The following ZNF106 variants were observed in gnomAD, a reference collection of about 807,000 sequenced individuals.
The protein encoded by ZNF106 is zinc finger protein 106.
ZNF106 carries 67 observed loss-of-function variants against 195.1 expected under a neutral mutation model. That is an observed-to-expected ratio of 0.34 (90% CI 0.28 to 0.42). The LOEUF is 0.42. Among genes scored for constraint, ZNF106 ranks in the 10% least tolerant of loss-of-function variants. The pLI is 1.00. For missense variants in ZNF106, 2,118 were observed against 2,304.5 expected, an observed-to-expected ratio of 0.92 and a Z score of 1.66; for synonymous variants, 784 against 818.6, an observed-to-expected ratio of 0.96 and a Z score of 0.72.
intron 3 of ZNF106, among the ~76,000 whole-genome samples, chr15:42,460,564 T>G (rs188583123): frequency 1.8e-4 from 27 of 152,296 alleles, no homozygotes; most frequent in African/African-American, 4.8e-4. Flanking sequence ...ACGCAATAAG[T>G]GCAGTATAAA....
At chr15:42,445,376 ACT>A (rs1271172792) in intron 7 of ZNF106, among the ~76,000 whole-genome samples, 1 of 152,114 alleles carries the variant, frequency 6.6e-6, no homozygotes, top group Non-Finnish European at 1.5e-5. Flanking sequence ...GACTGCTTGC[ACT>A]CTCTTTCCAA....
At chr15:42,435,194 G>C (rs1211521999) in intron 14 of ZNF106, among the ~76,000 whole-genome samples, 190 bp downstream of exon 14, 1 of 152,206 alleles carries the variant, frequency 6.6e-6, no homozygotes, top group African/African-American at 2.4e-5. Context: ...CTGGTGGAGA[G>C]AGACAGAAAA....
intron 1 of ZNF106, among the ~76,000 whole-genome samples, chr15:42,475,185 G>T (rs535544677): frequency 6.6e-6 from 1 of 152,322 alleles, no homozygotes; most frequent in African/African-American, 2.4e-5. Flanking sequence ...AGGCATGGTG[G>T]CTCATGCCTA....
intron 1 of ZNF106, among the ~76,000 whole-genome samples, chr15:42,484,608 C>T (rs921217078): frequency 6.6e-6 from 1 of 152,104 alleles, no homozygotes; most frequent in Non-Finnish European, 1.5e-5. Context: ...CGTGGTGATG[C>T]GTGCCCGTAG....
intron 4 of ZNF106, among the ~76,000 whole-genome samples, chr15:42,454,455 G>C (rs1397262167): frequency 6.6e-6 from 1 of 151,852 alleles, no homozygotes; most frequent in Non-Finnish European, 1.5e-5. Context: ...AAATCACAAA[G>C]TAGAATTCCT....
chr15:42,459,795 C>G (rs953280957), intron 3 of ZNF106, among the ~76,000 whole-genome samples: 15 of 152,042 alleles, frequency 9.9e-5, no homozygotes, highest in Non-Finnish European at 1.6e-4. Context: ...AATCCCAGCA[C>G]TTTGGGAGGC....
chr15:42,426,901 C>T (rs2054880161), intron 15 of ZNF106, among the ~76,000 whole-genome samples: 1 of 152,164 alleles, frequency 6.6e-6, no homozygotes, highest in Non-Finnish European at 1.5e-5. Context: ...TCATATCGAA[C>T]AGACCAAATC....
At chr15:42,419,345 C>T (rs370567005) in intron 20 of ZNF106, among the ~76,000 whole-genome samples, 13 of 151,386 alleles carry the variant, frequency 8.6e-5, no homozygotes, top group African/African-American at 3.2e-4. Flanking sequence ...GGTGACAGAG[C>T]GAGACTCTGT....
intron 21 of ZNF106, among the ~76,000 whole-genome samples, 195 bp from the exon 22 acceptor site, chr15:42,417,555 TA>T (rs2054504727): frequency 6.6e-6 from 1 of 152,212 alleles, no homozygotes; most frequent in Admixed American, 6.5e-5. Context: ...AAGAGCACTG[TA>T]ATAAATCTCC....
At position 42,463,755 on chromosome 15, in the gene ZNF106, G is replaced by A. The variant is rs559973736; in HGVS notation, c.116+2298C>T. On this transcript the variant is annotated intron_variant, in intron 3 of 21. Coordinates refer to ENST00000564754, the MANE Select transcript of ZNF106 (RefSeq NM_001366845.3). ...TTCGAGGTTGCAGTCAGCTGTGATC[G>A]TGCCACGGCACCCCAGCCTGGTGAC... 2.9e-4 allele frequency among the ~76,000 whole-genome samples: 44 copies of A among 152,190 alleles called. No individual in the cohort carries two copies. In the South Asian group the frequency reaches 8.1e-3, roughly 28 times the overall value.
At chr15:42,419,063 C>CA (rs367772491) in intron 20 of ZNF106, among the ~76,000 whole-genome samples, 23,963 of 105,610 alleles carry the variant, frequency 0.23, 2,572 homozygotes, top group Non-Finnish European at 0.27. Context: ...CTTTCTCTAC[C>CA]AAAAAAAAAA....
chr15:42,418,932 T>G (rs2054554040), intron 20 of ZNF106, among the ~76,000 whole-genome samples: 1 of 151,926 alleles, frequency 6.6e-6, no homozygotes, highest in Non-Finnish European at 1.5e-5. Flanking sequence ...TAGTGTCTTA[T>G]GCTTCCTAAG....
intron 20 of ZNF106, among the ~76,000 whole-genome samples, chr15:42,419,295 A>C (rs1245485101): frequency 6.6e-6 from 1 of 151,992 alleles, no homozygotes; most frequent in Non-Finnish European, 1.5e-5. Flanking sequence ...GGAACTTGGG[A>C]AGTGGAGGCT....
In ZNF106 at chr15:42,450,457, T is replaced by C. The variant is rs1395892680; in HGVS notation, c.1815A>G (p.Gln605=). The C allele has an allele frequency of 1.2e-6, 2 of 1,614,210 alleles. No homozygotes were observed. Reference sequence around the variant, plus strand: ...CACTTTCATCTTCTAGTGCGTGCACTTGAAACTCAATTTTCAAAGACCCTT... The same window carrying C: ...CACTTTCATCTTCTAGTGCGTGCACCTGAAACTCAATTTTCAAAGACCCTT... ...SEKGSLKIEF[Q]VHALEDESDG... The change falls in exon 5 of 22, where the codon CAA becomes CAG. Residue 605 remains glutamine, a synonymous_variant. Transcript: ENST00000564754.
chr15:42,465,809 CTTTG>C (rs926504659), intron 3 of ZNF106, among the ~76,000 whole-genome samples: 71 of 152,206 alleles, frequency 4.7e-4, no homozygotes, highest in Admixed American at 1.3e-4. Flanking sequence ...CCCAACTCAC[CTTTG>C]TTGCAATCTA....
chr15:42,417,169 T>C lies in ZNF106; in HGVS notation c.*135A>G, dbSNP rs2054486564. The C allele has an allele frequency of 1.4e-5, 12 of 841,860 alleles. No homozygotes were observed. In the East Asian group the frequency reaches 2.6e-4, roughly 18 times the overall value. 52.1% of individuals were successfully genotyped at this position (841,860 alleles called of 1,614,324 possible). The stretch of plus-strand genomic sequence containing the variant: ...CATCCCATAGAGCTGCCCAGACTTA[T>C]GCTAGGGGTATGCCTGGCTAGTAAC... On this transcript the variant is annotated 3_prime_UTR_variant, in exon 22 of 22. Coordinates refer to ENST00000564754, the MANE Select transcript of ZNF106 (RefSeq NM_001366845.3).
At chr15:42,489,266 C>T (rs1595505478) in intron 1 of ZNF106, among the ~76,000 whole-genome samples, 2 of 151,594 alleles carry the variant, frequency 1.3e-5, no homozygotes, top group African/African-American at 4.8e-5. Flanking sequence ...CAACCTCCGC[C>T]TCCCAGGTTC....
rs141889441 is a variant in ZNF106, at chr15:42,453,044, A to C, written c.318-1090T>G. Among the ~76,000 whole-genome samples, 1,255 of 152,152 alleles carry C rather than the reference A, an allele frequency of 8.2e-3. 19 individuals are homozygous for C. The highest frequency in any genetic ancestry group is 0.029 in the African/African-American group (1,206 of 41,502). On this transcript the variant is annotated intron_variant, in intron 4 of 21. Transcript: ENST00000564754. ...ATGTTCAGCTGCCCTTAATACCATG[A>C]TTTTTCCAGTTGTAGGTTCTTTCTG...
chr15:42,433,340 C>T (rs1184197463), intron 14 of ZNF106, among the ~76,000 whole-genome samples: 2 of 152,074 alleles, frequency 1.3e-5, no homozygotes, highest in Non-Finnish European at 1.5e-5. Context: ...CTCCTGACCT[C>T]GTGATCCGCC....
Sources: allele counts gnomAD v4.1 joint callset (sites outside exome capture counted in the v4.1 genomes callset), GRCh38; gene constraint gnomAD v4.1.1; transcripts MANE v1.5; gene names NCBI Gene and HGNC (gene_info 2026-07-23, HGNC 2026-07-21).